CASP2: variants seen among roughly 807,000 people sequenced by gnomAD.
CASP2 encodes the protein caspase-2.
Under a neutral mutation model 54.4 loss-of-function variants are expected in CASP2, and 38 were observed. That is an observed-to-expected ratio of 0.70 (90% CI 0.54 to 0.92). CASP2 has a LOEUF of 0.92. CASP2 is among the 40% of genes least tolerant of loss of function. The probability of loss-of-function intolerance (pLI) is 0.00; values close to 1 mark genes in which losing one functional copy is unlikely to be tolerated. For synonymous variants in CASP2, 215 were observed against 216.3 expected (o/e 0.99, Z 0.05); for missense variants, 512 against 579.6 (o/e 0.88, Z 1.20).
chr7:143,297,879 T>C (rs551947563), intron 6 of CASP2, among the ~76,000 whole-genome samples: 8 of 152,264 alleles, frequency 5.3e-5, no homozygotes, highest in Non-Finnish European at 1.0e-4. Context: ...ATTTTTTGAT[T>C]ATCTGTCATT....
At chr7:143,303,231 A>T (rs1277411960) in intron 8 of CASP2, 3 of 152,288 alleles carry the variant, frequency 2.0e-5, no homozygotes, top group African/African-American at 7.2e-5. Context: ...AAGATATCAA[A>T]ACCACCTTGG....
Position 143,294,759 on chromosome 7 carries a change from G to C in CASP2, c.733G>C (p.Asp245His). 1 of 1,614,120 alleles carries C rather than the reference G, an allele frequency of 6.2e-7. No homozygotes were observed. Among genetic ancestry groups the C allele is most frequent in the Non-Finnish European group, 8.5e-7 (1 of 1,179,980 alleles). ...GGGCTATGACGTCCATGTTCTATGT[G>C]ACCAGACTGCACAGGTACCTGAGGT... is the stretch of plus-strand genomic sequence containing the variant. Reference protein sequence around the residue: ...LLGYDVHVLCDQTAQEMQEKL... With the variant: ...LLGYDVHVLCHQTAQEMQEKL... The change falls in exon 6 of 11, where the codon GAC becomes CAC. Residue 245 changes from aspartate (D) to histidine (H), a missense_variant. By Grantham distance (81) the Asp-to-His change is moderately conservative. Coordinates refer to ENST00000310447, the MANE Select transcript of CASP2 (RefSeq NM_032982.4).
At chr7:143,291,780 C>CATTTTTTTTTTTTTTTTTTTT in intron 2 of CASP2, 90 bp downstream of exon 2, 1 of 422,922 alleles carries the variant, frequency 2.4e-6, no homozygotes. Context: ...ATCTTTCTTC[C>CATTTTTTTTTTTTTTTTTTTT]TTTTTTTTTT....
At chr7:143,293,556 CTGTAG>C (rs1216367098) in intron 4 of CASP2, among the ~76,000 whole-genome samples, 3 of 150,612 alleles carry the variant, frequency 2.0e-5, no homozygotes, top group Non-Finnish European at 2.9e-5. Flanking sequence ...GTCGTCCAGG[CTGTAG>C]TGCAATGGTG....
At chr7:143,303,457 G>A (rs1211616334) in intron 8 of CASP2, 2 of 223,040 alleles carry the variant, frequency 9.0e-6, no homozygotes, top group African/African-American at 2.3e-5. Flanking sequence ...TGTGGACTTA[G>A]ATGATTTTCA....
Position 143,296,966 on chromosome 7 carries a change from A to G in CASP2, c.747+2193A>G, listed in dbSNP as rs145398195. ...GTTACTAGTTCTAGAATTATGATTT[A>G]CCCTATGTTAGGAAACGTACTCTTC... On this transcript the variant is annotated intron_variant, in intron 6 of 10. Coordinates refer to ENST00000310447, the MANE Select transcript of CASP2 (RefSeq NM_032982.4). 1.3e-3 allele frequency among the ~76,000 whole-genome samples: 197 copies of G among 152,266 alleles called. 1 individual carries two copies. The highest frequency in any genetic ancestry group is 3.5e-3 in the African/African-American group (144 of 41,550).
chr7:143,289,424 A>T (rs1393281350), intron 1 of CASP2, among the ~76,000 whole-genome samples: 3 of 152,188 alleles, frequency 2.0e-5, no homozygotes, highest in Non-Finnish European at 2.9e-5. Context: ...TAAGAACTAT[A>T]AGTCAGTAAG....
chr7:143,292,365 A>G lies in CASP2; in HGVS notation c.291A>G (p.Gln97=), dbSNP rs1801600698. The change falls in exon 3 of 11, where the codon CAA becomes CAG. Residue 97 remains glutamine (Q), a synonymous_variant. Transcript: ENST00000310447. ...LLNLLPKRGP[Q]AFDAFCEALR... is the part of the protein sequence containing the mutation. ...ACTTGCTGCCTAAGAGGGGTCCCCA[A>G]GCTTTTGATGCCTTCTGTGAAGCAC... 2.5e-6 allele frequency: 4 copies of G among 1,614,074 alleles called. No individual in the cohort carries two copies. Among genetic ancestry groups the G allele is most frequent in the African/African-American group, 1.3e-5 (1 of 74,936 alleles).
intron 8 of CASP2, chr7:143,301,069 G>T: frequency 3.6e-6 from 1 of 281,436 alleles, no homozygotes; most frequent in Non-Finnish European, 5.5e-6. Context: ...AATATAAAAT[G>T]AAAATAGTCC....
intron 6 of CASP2, 111 bp from the exon 7 acceptor site, chr7:143,299,812 A>G: frequency 8.4e-7 from 1 of 1,196,038 alleles, no homozygotes; most frequent in Non-Finnish European, 1.2e-6. Flanking sequence ...ACAGGAATAT[A>G]CATAAAGCGT....
At position 143,288,402 on chromosome 7, in the gene CASP2, CG is replaced by C; in HGVS notation, c.-52del. The stretch of plus-strand genomic sequence containing the variant: ...GGGATGTGGGGGAAGCGACGGCCCC[CG>C]GTTTGTTTGGGCTGTGGGCGGTGCG... On this transcript the variant is annotated 5_prime_UTR_variant, in exon 1 of 11. Transcript: ENST00000310447. 6.4e-7 allele frequency: 1 copy of C among 1,569,448 alleles called. No homozygotes were observed. Among genetic ancestry groups the C allele is most frequent in the Non-Finnish European group, 8.7e-7 (1 of 1,143,596 alleles).
Position 143,305,155 on chromosome 7 carries a change from G to A in CASP2, c.*84G>A. ...GAGCCTTTGATCTTCAGGATGCACG[G>A]TTTCTGTTCTGCCCCCTCAGGGATG... On this transcript the variant is annotated 3_prime_UTR_variant, in exon 11 of 11. Coordinates refer to ENST00000310447, the MANE Select transcript of CASP2 (RefSeq NM_032982.4). 1.3e-6 allele frequency: 2 copies of A among 1,545,818 alleles called. No homozygotes were observed. The highest frequency in any genetic ancestry group is 1.1e-5 in the South Asian group (1 of 89,134).
At chr7:143,304,639 C>T in intron 9 of CASP2, 35 bp from the exon 10 acceptor site, 1 of 1,479,350 alleles carries the variant, frequency 6.8e-7, no homozygotes, top group South Asian at 1.1e-5. Flanking sequence ...TGTGTGATGG[C>T]ATTCACACTG....
Position 143,303,774 on chromosome 7 carries a change from T to C in CASP2, c.968-10T>C. 6.2e-7 allele frequency: 1 copy of C among 1,613,476 alleles called. No individual in the cohort carries two copies. ...AACATCATTGTCCATTCTGTCTGCC[T>C]TTGTTACAGATGAGACTGATCGTGG... is the stretch of plus-strand genomic sequence containing the variant. On this transcript the variant is annotated splice_polypyrimidine_tract_variant and intron_variant, in intron 8 of 10. Coordinates refer to ENST00000310447, the MANE Select transcript of CASP2 (RefSeq NM_032982.4).
At chr7:143,303,980 C>G (rs762357399) in intron 9 of CASP2, 47 bp downstream of exon 9, 1 of 1,529,918 alleles carries the variant, frequency 6.5e-7, no homozygotes. Context: ...TTTTGTTGCA[C>G]TTTGCTTTAT....
At chr7:143,297,499 T>C (rs925830931) in intron 6 of CASP2, among the ~76,000 whole-genome samples, 2 of 152,310 alleles carry the variant, frequency 1.3e-5, no homozygotes, top group South Asian at 2.1e-4. Flanking sequence ...CAGGCTAGAG[T>C]GCAATGGCGC....
intron 5 of CASP2, 85 bp downstream of exon 5, chr7:143,294,409 T>C: frequency 9.2e-7 from 1 of 1,091,482 alleles, no homozygotes; most frequent in Non-Finnish European, 1.4e-6. Context: ...TGCATGTACA[T>C]TTCCTTTCTG....
rs113837507 is a variant in CASP2, at chr7:143,292,437, C to G, written c.363C>G (p.Thr121=). The stretch of plus-strand genomic sequence containing the variant: ...ACCTGGAGGATATGTTGCTCACCAC[C>G]CTTTCTGGGCTTCAGCATGTACTCC... ...QGHLEDMLLT[T]LSGLQHVLPP... The change falls in exon 3 of 11, where the codon ACC becomes ACG. Residue 121 remains threonine (T), a synonymous_variant. Transcript: ENST00000310447. 6.2e-7 allele frequency: 1 copy of G among 1,614,110 alleles called. No homozygotes were observed. The highest frequency in any genetic ancestry group is 8.5e-7 in the Non-Finnish European group (1 of 1,180,020).
intron 3 of CASP2, 66 bp from the exon 4 acceptor site, chr7:143,292,551 A>ATTTTGTTG: frequency 6.2e-7 from 1 of 1,603,822 alleles, no homozygotes; most frequent in Non-Finnish European, 8.5e-7. Context: ...GGGAGACTAG[A>ATTTTGTTG]TTTTGTTGTA....
Sources: gnomAD v4.1 joint callset for allele counts (sites outside exome capture counted in the v4.1 genomes callset) on GRCh38, gnomAD v4.1.1 for gene constraint, MANE v1.5 for transcripts, NCBI Gene and HGNC (gene_info 2026-07-23, HGNC 2026-07-21) for gene names.